Variants in LHFPL6 observed in about 807,000 individuals in gnomAD.
LHFPL6 encodes the protein LHFPL tetraspan subfamily member 6.
In LHFPL6, 9 loss-of-function variants were observed where a neutral mutation model predicts 20.6. The ratio of observed to expected loss-of-function variants is 0.44; its 90% CI spans 0.26 to 0.76. The LOEUF (loss-of-function observed/expected upper bound fraction) is 0.76. Ranked by LOEUF, LHFPL6 falls within the 30% of genes least tolerant of loss-of-function variation. The probability of loss-of-function intolerance (pLI) is 0.20; values close to 1 mark genes in which losing one functional copy is unlikely to be tolerated. For synonymous variants in LHFPL6, 105 were observed against 98.7 expected, an observed-to-expected ratio of 1.06 and a Z score of -0.38; for missense variants, 218 against 253.5, an observed-to-expected ratio of 0.86 and a Z score of 0.95.
At chr13:39,514,105 T>TC (rs559647088) in intron 2 of LHFPL6, among the ~76,000 whole-genome samples, 100 of 152,158 alleles carry the variant, frequency 6.6e-4, no homozygotes, top group Non-Finnish European at 1.2e-3. Flanking sequence ...TCTGGTTTAG[T>TC]CCCAGCTACT....
chr13:39,397,906 TTGTGTG>T (rs146494686), intron 2 of LHFPL6, among the ~76,000 whole-genome samples: 2 of 149,880 alleles, frequency 1.3e-5, no homozygotes, highest in Admixed American at 6.6e-5. Flanking sequence ...AAGTCAGACT[TTGTGTG>T]TGTGTGTGTG....
intron 2 of LHFPL6, among the ~76,000 whole-genome samples, chr13:39,589,752 A>C (rs1872547525): frequency 1.3e-5 from 2 of 152,206 alleles, no homozygotes; most frequent in South Asian, 2.1e-4. Context: ...ATGGGTGTCT[A>C]CACTAGAAAA....
intron 2 of LHFPL6, among the ~76,000 whole-genome samples, chr13:39,383,815 C>G (rs1870498487): frequency 6.6e-6 from 1 of 152,228 alleles, no homozygotes; most frequent in Non-Finnish European, 1.5e-5. Context: ...CACATTCACA[C>G]CTGCAGCCAG....
chr13:39,571,865 G>A (rs1271834406), intron 2 of LHFPL6, among the ~76,000 whole-genome samples: 1 of 152,238 alleles, frequency 6.6e-6, no homozygotes, highest in Non-Finnish European at 1.5e-5. Context: ...GGCCCTGCAT[G>A]GAGCTTGCTT....
intron 2 of LHFPL6, among the ~76,000 whole-genome samples, chr13:39,538,902 T>G (rs774872125): frequency 6.6e-6 from 1 of 152,212 alleles, no homozygotes; most frequent in Non-Finnish European, 1.5e-5. Flanking sequence ...GAGTTATTCA[T>G]CTACTCCAGA....
intron 2 of LHFPL6, among the ~76,000 whole-genome samples, chr13:39,415,077 A>C (rs1284789124): frequency 6.6e-6 from 1 of 152,212 alleles, no homozygotes. Context: ...ATTTGGTGGA[A>C]AACACATTCC....
intron 3 of LHFPL6, among the ~76,000 whole-genome samples, chr13:39,356,554 T>C (rs1454213081): frequency 6.6e-6 from 1 of 152,062 alleles, no homozygotes; most frequent in Admixed American, 6.6e-5. Context: ...TAAAAATTCA[T>C]ACAAAAGATC....
chr13:39,343,878 G>T lies in LHFPL6; in HGVS notation c.*58C>A. On this transcript the variant is annotated 3_prime_UTR_variant, in exon 4 of 4. Coordinates refer to ENST00000379589, the MANE Select transcript of LHFPL6 (RefSeq NM_005780.3). ...CCTTTTGAAGGTAGGTGGATGTTTT[G>T]ACCTCTCCAAGCCCCTTTGGCCCAT... is the stretch of plus-strand genomic sequence containing the variant. The T allele has an allele frequency of 7.7e-7, 1 of 1,297,514 alleles. No individual in the cohort carries two copies. Among genetic ancestry groups the T allele is most frequent in the Non-Finnish European group, 1.1e-6 (1 of 905,218 alleles). 80.4% of individuals were successfully genotyped at this position (1,297,514 alleles called of 1,614,324 possible).
intron 2 of LHFPL6, among the ~76,000 whole-genome samples, chr13:39,533,466 G>A (rs968708501): frequency 6.6e-6 from 1 of 152,116 alleles, no homozygotes; most frequent in East Asian, 1.9e-4. Flanking sequence ...TAAAGGTATG[G>A]CCGGGAAGTG....
chr13:39,439,296 G>A (rs1427184605), intron 2 of LHFPL6, among the ~76,000 whole-genome samples: 1 of 152,140 alleles, frequency 6.6e-6, no homozygotes, highest in East Asian at 1.9e-4. Flanking sequence ...CCCTTCTTTT[G>A]ACCAATTTCT....
intron 2 of LHFPL6, among the ~76,000 whole-genome samples, chr13:39,471,815 A>G (rs1327891169): frequency 6.6e-6 from 1 of 152,204 alleles, no homozygotes; most frequent in African/African-American, 2.4e-5. Context: ...AAAAGCTTTA[A>G]CCTCATGTAA....
In LHFPL6 at chr13:39,345,283, C is replaced by A. The variant is rs1456278080; in HGVS notation, c.485-1229G>T. On this transcript the variant is annotated intron_variant, in intron 3 of 3. Transcript: ENST00000379589. Reference sequence around the variant, plus strand: ...ATCCCAGCACTTTGGGAGGCCAAGGCGGGTGGATCACCTGCGGTCAGGAGT... The same window carrying A: ...ATCCCAGCACTTTGGGAGGCCAAGGAGGGTGGATCACCTGCGGTCAGGAGT... Among the ~76,000 whole-genome samples, 3 of 152,058 alleles carry A rather than the reference C, an allele frequency of 2.0e-5. No homozygotes were observed. The East Asian group carries it at 5.8e-4, about 30-fold the overall frequency.
chr13:39,456,828 G>A lies in LHFPL6; in HGVS notation c.386-78302C>T, dbSNP rs145177644. ...TTTTTTTTTTTTGAGACAGAGTCTT[G>A]CTCTGTAGCCCAGGCTGGAGTGCAA... On this transcript the variant is annotated intron_variant, in intron 2 of 3. Coordinates refer to ENST00000379589, the MANE Select transcript of LHFPL6 (RefSeq NM_005780.3). Among the ~76,000 whole-genome samples the A allele has an allele frequency of 5.9e-3, 882 of 149,824 alleles. 9 individuals carry two copies. The highest frequency in any genetic ancestry group is 0.02 in the African/African-American group (832 of 40,730).
chr13:39,562,467 C>CATATACACATATACAT (rs1566142059), intron 2 of LHFPL6, among the ~76,000 whole-genome samples: 3 of 114,396 alleles, frequency 2.6e-5, no homozygotes, highest in Non-Finnish European at 3.5e-5. Flanking sequence ...CATATATACA[C>CATATACACATATACAT]ATATACACAT....
At chr13:39,555,325 T>C (rs74460750) in intron 2 of LHFPL6, among the ~76,000 whole-genome samples, 48 of 112,272 alleles carry the variant, frequency 4.3e-4, no homozygotes, top group East Asian at 7.8e-4. Context: ...CTCCCCGCCC[T>C]TTTTTTTTTT....
At chr13:39,564,663 TATCTAACC>T (rs1168276564) in intron 2 of LHFPL6, among the ~76,000 whole-genome samples, 1 of 152,212 alleles carries the variant, frequency 6.6e-6, no homozygotes, top group Non-Finnish European at 1.5e-5. Context: ...AAGTCAAAAG[TATCTAACC>T]ATGGGTAAAT....
At chr13:39,474,984 C>A (rs1873047287) in intron 2 of LHFPL6, among the ~76,000 whole-genome samples, 1 of 152,200 alleles carries the variant, frequency 6.6e-6, no homozygotes, top group Non-Finnish European at 1.5e-5. Context: ...TTTTTAAACA[C>A]AGAGTCCAAT....
chr13:39,374,495 G>C (rs931419841), intron 3 of LHFPL6, among the ~76,000 whole-genome samples: 1 of 151,872 alleles, frequency 6.6e-6, no homozygotes, highest in African/African-American at 2.4e-5. Context: ...ATACACTCAT[G>C]TAATAAACTT....
chr13:39,566,091 A>T (rs912158221), intron 2 of LHFPL6, among the ~76,000 whole-genome samples: 1 of 152,214 alleles, frequency 6.6e-6, no homozygotes, highest in Non-Finnish European at 1.5e-5. Context: ...TATACTTATT[A>T]TGGCAAGTAT....
Sources: gnomAD v4.1 joint callset for allele counts (sites outside exome capture counted in the v4.1 genomes callset) on GRCh38, gnomAD v4.1.1 for gene constraint, MANE v1.5 for transcripts, NCBI Gene and HGNC (gene_info 2026-07-23, HGNC 2026-07-21) for gene names.